The following TFAP2A variants were observed in gnomAD, a reference collection of about 807,000 sequenced individuals.
The protein encoded by TFAP2A is transcription factor AP-2 alpha.
A neutral mutation model predicts 41.5 loss-of-function variants in TFAP2A; 7 were observed. The observed-to-expected ratio is 0.17, with a 90% CI of 0.10 to 0.32. The LOEUF is 0.32. Among genes scored for constraint, TFAP2A ranks in the 10% least tolerant of loss-of-function variants. The pLI, the probability that TFAP2A is intolerant of heterozygous loss-of-function variation, is 1.00. For missense variants in TFAP2A, 416 were observed against 563.3 expected, an observed-to-expected ratio of 0.74 and a Z score of 2.65; for synonymous variants, 247 against 242.8, an observed-to-expected ratio of 1.02 and a Z score of -0.16.
At chr6:10,403,199 C>T (rs1757497409) in intron 4 of TFAP2A, among the ~76,000 whole-genome samples, 1 of 152,246 alleles carries the variant, frequency 6.6e-6, no homozygotes. Context: ...CAGTTCTAAA[C>T]AGATGTCTAA....
chr6:10,414,908 C>A (rs1409081159), intron 1 of TFAP2A, 33 bp downstream of exon 1: 21 of 1,613,634 alleles, frequency 1.3e-5, no homozygotes, highest in Non-Finnish European at 1.8e-5. Context: ...GAGCCTGTGA[C>A]CGCACGGATG....
rs1761779973 is a variant in TFAP2A, at chr6:10,396,735, A to G, written c.*1682T>C. The G allele has an allele frequency of 6.6e-6, 1 of 152,632 alleles. No individual in the cohort carries two copies. The highest frequency in any genetic ancestry group is 1.5e-5 in the Non-Finnish European group (1 of 68,034). 9.5% of individuals were successfully genotyped at this position (152,632 alleles called of 1,614,324 possible). A position where few individuals can be genotyped will look rare whatever the true frequency, so the allele number is the denominator to read the frequency against. On this transcript the variant is annotated 3_prime_UTR_variant, in exon 7 of 7. Transcript: ENST00000379613. ...AATAAAATTAATGTTTCTAGTAAGG[A>G]AAAGACAGTATGTCATTCCTTTAGC...
intron 1 of TFAP2A, chr6:10,411,452 G>C (rs1757965590): frequency 6.4e-7 from 1 of 1,574,000 alleles, no homozygotes; most frequent in Admixed American, 1.7e-5. Flanking sequence ...TGCAAATGGA[G>C]AGGGTGTCCT....
At chr6:10,419,368 C>CCAA, upstream of TFAP2A, 1 of 1,598,412 alleles carries the variant, frequency 6.3e-7, no homozygotes, top group Non-Finnish European at 8.6e-7. Context: ...GCCCCCTCCC[C>CCAA]TACTCCACCC....
chr6:10,414,896 C>A, intron 1 of TFAP2A, 45 bp downstream of exon 1: 2 of 1,612,676 alleles, frequency 1.2e-6, no homozygotes, highest in Non-Finnish European at 1.7e-6. Flanking sequence ...GGGTCAAGCT[C>A]GGAGCCTGTG....
At chr6:10,409,727 C>G (rs745922347) in intron 2 of TFAP2A, 174 bp downstream of exon 2, 8 of 742,026 alleles carry the variant, frequency 1.1e-5, no homozygotes, top group Non-Finnish European at 1.8e-5. Flanking sequence ...GAACTCGCAA[C>G]TACTTTGTGT....
Position 10,398,770 on chromosome 6 carries a change from G to C in TFAP2A, c.1032-65C>G. 6.3e-7 allele frequency: 1 copy of C among 1,578,192 alleles called. No homozygotes were observed. The highest frequency in any genetic ancestry group is 8.6e-7 in the Non-Finnish European group (1 of 1,157,178). ...CACTATGGGCAGCACTAGCAGCAAAGAGAAAACCTCCCTCCCTGCAGCTAC... is the reference window on the plus strand; with the variant it reads ...CACTATGGGCAGCACTAGCAGCAAACAGAAAACCTCCCTCCCTGCAGCTAC... On this transcript the variant is annotated intron_variant, in intron 6 of 6. Transcript: ENST00000379613. The surrounding 1 kb of genome is among the most constrained non-coding windows in gnomAD (Gnocchi z 5.3).
chr6:10,406,877 T>C, intron 2 of TFAP2A, 33 bp from the exon 3 acceptor site: 2 of 1,563,266 alleles, frequency 1.3e-6, no homozygotes, highest in Non-Finnish European at 8.8e-7. Context: ...GATGTAAGTG[T>C]ATCATCAAAA....
At chr6:10,405,509 C>T (rs530823702) in intron 3 of TFAP2A, 1 of 152,016 alleles carries the variant, frequency 6.6e-6, no homozygotes, top group African/African-American at 2.4e-5. Context: ...GCTAAAGCGC[C>T]TTTATTGGGA....
chr6:10,415,109 G>T, upstream of TFAP2A: 1 of 1,596,776 alleles, frequency 6.3e-7, no homozygotes. Flanking sequence ...AGGAGGGAGA[G>T]GAGGTGGAGG....
At chr6:10,409,776 A>C in intron 2 of TFAP2A, 125 bp downstream of exon 2, 1 of 1,222,712 alleles carries the variant, frequency 8.2e-7, no homozygotes, top group Non-Finnish European at 1.1e-6. Flanking sequence ...CCTCCGAATA[A>C]AATGTTTTTA....
At chr6:10,415,300 G>A, upstream of TFAP2A, 1 of 1,371,212 alleles carries the variant, frequency 7.3e-7, no homozygotes, top group South Asian at 1.5e-5. Flanking sequence ...TTTACCAACA[G>A]CCTAATCGCC....
At chr6:10,406,996 T>C (rs1757744175) in intron 2 of TFAP2A, 152 bp from the exon 3 acceptor site, 1 of 704,206 alleles carries the variant, frequency 1.4e-6, no homozygotes, top group Non-Finnish European at 2.5e-6. Context: ...TCTTGGCTTA[T>C]TGGAATTTGG....
intron 1 of TFAP2A, among the ~76,000 whole-genome samples, chr6:10,414,226 C>T (rs1758140735): frequency 6.6e-6 from 1 of 152,230 alleles, no homozygotes; most frequent in Non-Finnish European, 1.5e-5. Context: ...CGCAGCACAT[C>T]TCCCCACCCC....
In TFAP2A at chr6:10,398,371, G is replaced by T. The variant is rs1261168096; in HGVS notation, c.*46C>A. 2.5e-6 allele frequency: 4 copies of T among 1,609,874 alleles called. No homozygotes were observed. Among genetic ancestry groups the T allele is most frequent in the Admixed American group, 1.7e-5 (1 of 59,928 alleles). ...CTGTCACCCGCCGGAGGGTGGGCGC[G>T]CGGGGGGCTGGTGAGGCGTGGGAGG... On this transcript the variant is annotated 3_prime_UTR_variant, in exon 7 of 7. Transcript: ENST00000379613. The surrounding 1 kb of genome is among the most constrained non-coding windows in gnomAD (Gnocchi z 5.3).
upstream of TFAP2A, chr6:10,419,494 C>T (rs780793965): frequency 6.2e-7 from 1 of 1,613,968 alleles, no homozygotes; most frequent in Non-Finnish European, 8.5e-7. Flanking sequence ...CGGGCATGGG[C>T]TGGAGGGCTC....
At chr6:10,419,374 C>T, upstream of TFAP2A, 2 of 1,608,182 alleles carry the variant, frequency 1.2e-6, no homozygotes, top group Non-Finnish European at 1.7e-6. Flanking sequence ...TCCCCTACTC[C>T]ACCCCTGCCC....
intron 2 of TFAP2A, chr6:10,407,139 C>G: frequency 4.5e-6 from 2 of 445,124 alleles, no homozygotes; most frequent in Non-Finnish European, 8.2e-6. Context: ...TGTTGGAGCA[C>G]CTAATCATTC....
chr6:10,399,256 T>A (rs1229366854), intron 6 of TFAP2A, among the ~76,000 whole-genome samples: 1 of 152,170 alleles, frequency 6.6e-6, no homozygotes, highest in Non-Finnish European at 1.5e-5. Flanking sequence ...TGGGATTATT[T>A]TGCCTTTAAA....
Sources: gnomAD v4.1 joint callset for allele counts (sites outside exome capture counted in the v4.1 genomes callset) on GRCh38, gnomAD v4.1.1 for gene constraint, Gnocchi (gnomAD v3.1) non-coding constraint, MANE v1.5 for transcripts, NCBI Gene and HGNC (gene_info 2026-07-23, HGNC 2026-07-21) for gene names.